The following ATP8B1 variants were observed in gnomAD, a reference collection of about 807,000 sequenced individuals.
The protein encoded by ATP8B1 is phospholipid-transporting ATPase IC.
A neutral mutation model predicts 149.9 loss-of-function variants in ATP8B1; 80 were observed. The ratio of observed to expected loss-of-function variants is 0.53; its 90% CI spans 0.45 to 0.64. ATP8B1 has a LOEUF of 0.64. Among genes scored for constraint, ATP8B1 ranks in the 30% least tolerant of loss-of-function variants. The pLI is 0.00. For missense variants in ATP8B1, 1,247 were observed against 1,552.6 expected (o/e 0.80, Z 3.31); for synonymous variants, 536 against 562.8 (o/e 0.95, Z 0.67).
intron 24 of ATP8B1, among the ~76,000 whole-genome samples, chr18:57,653,039 T>C (rs538428905): frequency 6.6e-6 from 1 of 152,324 alleles, no homozygotes; most frequent in South Asian, 2.1e-4. Context: ...TTTTACCTCC[T>C]GAGTGAATAT....
intron 13 of ATP8B1, among the ~76,000 whole-genome samples, chr18:57,687,283 T>C (rs1051427006): frequency 1.3e-5 from 2 of 152,238 alleles, no homozygotes; most frequent in Admixed American, 1.3e-4. Flanking sequence ...CATTCTGCTT[T>C]GTCTCTATAA....
intron 4 of ATP8B1, among the ~76,000 whole-genome samples, chr18:57,703,124 T>A (rs1454972605): frequency 6.6e-6 from 1 of 152,106 alleles, no homozygotes; most frequent in African/African-American, 2.4e-5. Flanking sequence ...TCATTGCCTA[T>A]CCATTTCTCC....
At chr18:57,731,064 T>C (rs1236542861) in intron 2 of ATP8B1, among the ~76,000 whole-genome samples, 1 of 151,992 alleles carries the variant, frequency 6.6e-6, no homozygotes, top group Non-Finnish European at 1.5e-5. Flanking sequence ...GAGGTTGAGG[T>C]GGGCAGATCC....
chr18:57,760,944 G>A (rs1169220030), intron 1 of ATP8B1, among the ~76,000 whole-genome samples: 4 of 151,420 alleles, frequency 2.6e-5, no homozygotes, highest in South Asian at 2.1e-4. Context: ...AGCCGAGATC[G>A]CACCACCGCC....
intron 13 of ATP8B1, 105 bp from the exon 14 acceptor site, chr18:57,685,220 C>A: frequency 1.7e-6 from 2 of 1,210,878 alleles, no homozygotes; most frequent in South Asian, 2.5e-5. Context: ...CCATATACGG[C>A]CTGGACAGGC....
chr18:57,723,084 T>A lies in ATP8B1; in HGVS notation c.181+8543A>T, dbSNP rs968374011. ...TAAAAACTCTCAGTAAATTAGGTAT[T>A]GATGGGACGTATTTCAAAATAATAA... is the stretch of plus-strand genomic sequence containing the variant. On this transcript the variant is annotated intron_variant, in intron 2 of 27. Coordinates refer to ENST00000648908, the MANE Select transcript of ATP8B1 (RefSeq NM_001374385.1). Among the ~76,000 whole-genome samples, 517 of 151,712 alleles carry A rather than the reference T, an allele frequency of 3.4e-3. 4 individuals carry two copies. Among genetic ancestry groups the A allele is most frequent in the Non-Finnish European group, 5.5e-3 (376 of 67,978 alleles).
At chr18:57,773,416 A>G (rs1403801652) in intron 1 of ATP8B1, among the ~76,000 whole-genome samples, 1 of 152,028 alleles carries the variant, frequency 6.6e-6, no homozygotes, top group Non-Finnish European at 1.5e-5. Flanking sequence ...TTTACAACTC[A>G]CTTCATCCGG....
intron 15 of ATP8B1, among the ~76,000 whole-genome samples, chr18:57,677,626 A>G (rs1281700494): frequency 3.3e-5 from 5 of 152,198 alleles, no homozygotes; most frequent in African/African-American, 9.6e-5. Context: ...CTAATTAATA[A>G]TTAAAGATGA....
intron 1 of ATP8B1, among the ~76,000 whole-genome samples, chr18:57,750,719 GTCTTAGTTT>G (rs1368031340): frequency 4.6e-5 from 7 of 152,174 alleles, no homozygotes; most frequent in Non-Finnish European, 8.8e-5. Context: ...GTGAATTTGT[GTCTTAGTTT>G]TCCAAAGCTT....
At chr18:57,750,839 C>T (rs1478251300) in intron 1 of ATP8B1, among the ~76,000 whole-genome samples, 1 of 152,106 alleles carries the variant, frequency 6.6e-6, no homozygotes, top group Non-Finnish European at 1.5e-5. Context: ...CAATGTTTGG[C>T]TGGGCACGGT....
At chr18:57,648,822 C>T in intron 27 of ATP8B1, 110 bp from the exon 28 acceptor site, 1 of 1,011,168 alleles carries the variant, frequency 9.9e-7, no homozygotes, top group Non-Finnish European at 1.5e-6. Context: ...GACACCTGCC[C>T]CATTTTGATG....
At chr18:57,756,213 A>ACG (rs2080078295) in intron 1 of ATP8B1, among the ~76,000 whole-genome samples, 3 of 81,424 alleles carry the variant, frequency 3.7e-5, no homozygotes, top group African/African-American at 1.8e-4. Flanking sequence ...ATATATATAC[A>ACG]CACACACACA....
At chr18:57,775,836 G>A (rs542100038) in intron 1 of ATP8B1, among the ~76,000 whole-genome samples, 73 of 152,182 alleles carry the variant, frequency 4.8e-4, no homozygotes, top group African/African-American at 1.3e-3. Context: ...TAGAGACGGC[G>A]TTTCTCCATA....
At chr18:57,764,529 C>A (rs2080191430) in intron 1 of ATP8B1, among the ~76,000 whole-genome samples, 1 of 151,756 alleles carries the variant, frequency 6.6e-6, no homozygotes, top group Non-Finnish European at 1.5e-5. Flanking sequence ...AGTGTTTCTC[C>A]TGCCTCAGCC....
intron 12 of ATP8B1, among the ~76,000 whole-genome samples, chr18:57,688,979 T>C (rs1006205357): frequency 6.6e-6 from 1 of 152,186 alleles, no homozygotes; most frequent in Admixed American, 6.5e-5. Flanking sequence ...GCCCATGCAC[T>C]CAGCCTCTGG....
At chr18:57,795,999 T>A (rs2080511673) in intron 1 of ATP8B1, among the ~76,000 whole-genome samples, 1 of 151,978 alleles carries the variant, frequency 6.6e-6, no homozygotes, top group South Asian at 2.1e-4. Context: ...TGAAACCCTG[T>A]CTCTACTAAA....
chr18:57,711,043 G>T (rs117345718), intron 2 of ATP8B1, among the ~76,000 whole-genome samples: 189 of 152,324 alleles, frequency 1.2e-3, no homozygotes, highest in Non-Finnish European at 2.3e-3. Flanking sequence ...ATTGGCACAT[G>T]GTAATGCTTG....
At chr18:57,656,213 T>C (rs929714598) in intron 22 of ATP8B1, among the ~76,000 whole-genome samples, 1 of 152,124 alleles carries the variant, frequency 6.6e-6, no homozygotes. Context: ...ATGAATCTTT[T>C]CTTGCTTAAA....
chr18:57,691,358 C>T (rs1001756673), intron 12 of ATP8B1, among the ~76,000 whole-genome samples: 1 of 151,968 alleles, frequency 6.6e-6, no homozygotes, highest in African/African-American at 2.4e-5. Flanking sequence ...AGGTAGTGGC[C>T]GGAAAGCACA....
Sources: allele counts gnomAD v4.1 joint callset (sites outside exome capture counted in the v4.1 genomes callset), GRCh38; gene constraint gnomAD v4.1.1; transcripts MANE v1.5; gene names NCBI Gene and HGNC (gene_info 2026-07-23, HGNC 2026-07-21).